The following PTPRD variants were observed in gnomAD, a reference collection of about 807,000 sequenced individuals.
The protein encoded by PTPRD is protein tyrosine phosphatase receptor type D.
PTPRD carries 34 observed loss-of-function variants against 214.5 expected under a neutral mutation model. That is an observed-to-expected ratio of 0.16 (90% CI 0.12 to 0.21). The LOEUF (loss-of-function observed/expected upper bound fraction) is 0.21. Among genes scored for constraint, PTPRD ranks in the 10% least tolerant of loss-of-function variants. The probability of loss-of-function intolerance (pLI) is 1.00; values close to 1 mark genes in which losing one functional copy is unlikely to be tolerated. For missense variants in PTPRD, 2,545 were observed against 2,398.7 expected (o/e 1.06, Z -1.27); for synonymous variants, 1,128 against 845.7 (o/e 1.33, Z -5.79).
intron 3 of PTPRD, among the ~76,000 whole-genome samples, chr9:10,295,280 TTTCA>T (rs1191271601): frequency 6.6e-6 from 1 of 152,082 alleles, no homozygotes; most frequent in Non-Finnish European, 1.5e-5. Flanking sequence ...ATAAAATTAG[TTTCA>T]TTGCTAAAAG....
At chr9:10,557,288 A>C (rs2131365656) in intron 2 of PTPRD, among the ~76,000 whole-genome samples, 1 of 152,222 alleles carries the variant, frequency 6.6e-6, no homozygotes, top group South Asian at 2.1e-4. Flanking sequence ...ATCCTATGAA[A>C]GGATTTAAAA....
At chr9:9,396,117 A>G (rs893839709) in intron 9 of PTPRD, among the ~76,000 whole-genome samples, 1 of 152,052 alleles carries the variant, frequency 6.6e-6, no homozygotes, top group Non-Finnish European at 1.5e-5. Context: ...TTCTTTTTGT[A>G]TGTGACTCAA....
intron 39 of PTPRD, among the ~76,000 whole-genome samples, chr9:8,372,180 C>A (rs1411326819): frequency 6.6e-6 from 1 of 151,882 alleles, no homozygotes; most frequent in African/African-American, 2.4e-5. Context: ...TTGAAAAAAT[C>A]CATTCATTTA....
chr9:9,018,900 T>C (rs1046260591), intron 10 of PTPRD, among the ~76,000 whole-genome samples, 165 bp from the exon 11 acceptor site: 16 of 152,144 alleles, frequency 1.1e-4, no homozygotes, highest in Non-Finnish European at 1.9e-4. Flanking sequence ...ACACTTATTG[T>C]TGTAAAAAAG....
chr9:10,029,630 C>T (rs572039654), intron 4 of PTPRD, among the ~76,000 whole-genome samples: 10 of 152,274 alleles, frequency 6.6e-5, no homozygotes, highest in African/African-American at 1.7e-4. Flanking sequence ...CCATTTGGAA[C>T]GGCTGTATTT....
intron 24 of PTPRD, among the ~76,000 whole-genome samples, 196 bp downstream of exon 24, chr9:8,500,558 G>GGAAAAAAAAAAAAAAAAAAAAAAAAAAAA (rs2097373754): frequency 7.7e-4 from 11 of 14,308 alleles, no homozygotes; most frequent in East Asian, 3.0e-3. Context: ...TGAAAAAAAT[G>GGAAAAAAAAAAAAAAAAAAAAAAAAAAAA]AAAAAAAAAA....
At position 8,872,950 on chromosome 9, in the gene PTPRD, T is replaced by A. The variant is rs528318035; in HGVS notation, c.-103-139004A>T. 9.0e-4 allele frequency among the ~76,000 whole-genome samples: 137 copies of A among 152,186 alleles called. 1 individual carries two copies. The highest frequency in any genetic ancestry group is 3.2e-3 in the African/African-American group (131 of 41,514). On this transcript the variant is annotated intron_variant, in intron 11 of 45. Coordinates refer to ENST00000381196, the MANE Select transcript of PTPRD (RefSeq NM_002839.4). Reference sequence around the variant, plus strand: ...AAATATGAGTGCTGTCGGTGGAAAATAGAGTTACTCACCAACTGAAAATGT... The same window carrying A: ...AAATATGAGTGCTGTCGGTGGAAAAAAGAGTTACTCACCAACTGAAAATGT...
intron 2 of PTPRD, among the ~76,000 whole-genome samples, chr9:10,504,887 T>C (rs1308503996): frequency 6.6e-6 from 1 of 152,180 alleles, no homozygotes; most frequent in Non-Finnish European, 1.5e-5. Flanking sequence ...TGTGCACCTG[T>C]CTGTTAATGT....
chr9:9,114,456 G>T (rs987766631), intron 10 of PTPRD, among the ~76,000 whole-genome samples: 1 of 152,124 alleles, frequency 6.6e-6, no homozygotes, highest in African/African-American at 2.4e-5. Flanking sequence ...GGTCCTGTAG[G>T]TGGGCACAAT....
At chr9:10,599,865 T>A (rs2077529299) in intron 2 of PTPRD, among the ~76,000 whole-genome samples, 1 of 151,734 alleles carries the variant, frequency 6.6e-6, no homozygotes, top group Non-Finnish European at 1.5e-5. Flanking sequence ...GTTATTTCAA[T>A]CTCCCCAACA....
intron 4 of PTPRD, among the ~76,000 whole-genome samples, chr9:9,979,035 A>G (rs985513773): frequency 1.3e-5 from 2 of 152,110 alleles, no homozygotes; most frequent in Admixed American, 6.5e-5. Flanking sequence ...TTCTATTCTC[A>G]GAGAAAATAT....
chr9:9,029,985 A>T (rs1049965435), intron 10 of PTPRD, among the ~76,000 whole-genome samples: 6 of 151,990 alleles, frequency 3.9e-5, no homozygotes, highest in African/African-American at 1.4e-4. Context: ...GAACTGAACC[A>T]TGGGAAATAC....
chr9:9,431,006 G>T (rs1313446165), intron 8 of PTPRD, among the ~76,000 whole-genome samples: 1 of 152,174 alleles, frequency 6.6e-6, no homozygotes, highest in Non-Finnish European at 1.5e-5. Flanking sequence ...AGGACTTCAT[G>T]TCTAAAACAC....
chr9:10,277,558 G>T (rs2094784165), intron 3 of PTPRD, among the ~76,000 whole-genome samples: 1 of 148,514 alleles, frequency 6.7e-6, no homozygotes, highest in East Asian at 2.0e-4. Context: ...AAACTGATTA[G>T]CTGAGTGTCT....
At chr9:9,635,379 C>G (rs1468127236) in intron 7 of PTPRD, among the ~76,000 whole-genome samples, 2 of 152,100 alleles carry the variant, frequency 1.3e-5, no homozygotes, top group Non-Finnish European at 2.9e-5. Context: ...TAGCATATTC[C>G]TCTCGCACCA....
chr9:9,960,362 A>C (rs936565171), intron 4 of PTPRD, among the ~76,000 whole-genome samples: 1 of 152,138 alleles, frequency 6.6e-6, no homozygotes, highest in African/African-American at 2.4e-5. Flanking sequence ...ATTCTAAATA[A>C]TGTATGTAGC....
intron 3 of PTPRD, among the ~76,000 whole-genome samples, chr9:10,256,314 GTAA>G (rs2093272880): frequency 6.6e-6 from 1 of 151,206 alleles, no homozygotes; most frequent in African/African-American, 2.4e-5. Flanking sequence ...GTCTTCGGGG[GTAA>G]TAACACACAT....
chr9:8,447,595 C>A (rs1220660969), intron 34 of PTPRD, among the ~76,000 whole-genome samples: 2 of 152,194 alleles, frequency 1.3e-5, no homozygotes, highest in African/African-American at 2.4e-5. Flanking sequence ...TACCTGCAGT[C>A]ACCAGCACCT....
At chr9:8,780,389 C>A (rs557581950) in intron 11 of PTPRD, among the ~76,000 whole-genome samples, 77 of 152,196 alleles carry the variant, frequency 5.1e-4, no homozygotes, top group African/African-American at 1.8e-3. Flanking sequence ...GCACAGCAGA[C>A]ACAATAGCCA....
Sources: allele counts gnomAD v4.1 joint callset (sites outside exome capture counted in the v4.1 genomes callset), GRCh38; gene constraint gnomAD v4.1.1; transcripts MANE v1.5; gene names NCBI Gene and HGNC (gene_info 2026-07-23, HGNC 2026-07-21).